Variants in PWWP2A observed in about 807,000 individuals in gnomAD.
PWWP2A encodes the protein PWWP domain containing 2A, also known as PWWP domain-containing protein 2A.
In PWWP2A, 18 loss-of-function variants were observed where a neutral mutation model predicts 48.5. The ratio of observed to expected loss-of-function variants is 0.37; its 90% CI spans 0.26 to 0.55. PWWP2A has a LOEUF of 0.55. PWWP2A is among the 20% of genes least tolerant of loss of function. The pLI, the probability that PWWP2A is intolerant of heterozygous loss-of-function variation, is 0.81. For missense variants in PWWP2A, 867 were observed against 976.4 expected, an observed-to-expected ratio of 0.89 and a Z score of 1.49; for synonymous variants, 396 against 387.7, an observed-to-expected ratio of 1.02 and a Z score of -0.25.
chr5:160,119,050 A>T lies in PWWP2A; in HGVS notation c.339T>A (p.Leu113=). 4.4e-6 allele frequency: 7 copies of T among 1,593,636 alleles called. No homozygotes were observed. Among genetic ancestry groups the T allele is most frequent in the Non-Finnish European group, 5.9e-6 (7 of 1,176,522 alleles). The part of the protein sequence containing the change: ...AAAAPQGGPE[L]PPSPASPPEQ... ...CCGGCGGCGATGCAGGAGAAGGTGG[A>T]AGTTCCGGCCCTCCCTGAGGCGCGG... The change falls in exon 1 of 2, where the codon CTT becomes CTA. Residue 113 remains leucine (L), a synonymous_variant. Coordinates refer to ENST00000307063, the MANE Select transcript of PWWP2A (RefSeq NM_001130864.2).
the PWWP2A span, among the ~76,000 whole-genome samples, chr5:160,055,897 C>CA: frequency 6.6e-6 from 1 of 152,232 alleles, no homozygotes; most frequent in African/African-American, 2.4e-5. Context: ...TGTGGTCTTC[C>CA]AATTCACTAG....
chr5:160,051,200 C>T, the PWWP2A span: 14 of 1,597,670 alleles, frequency 8.8e-6, no homozygotes. Flanking sequence ...TTACTTCTTA[C>T]TTTGCTTGAT....
intron 1 of PWWP2A, among the ~76,000 whole-genome samples, chr5:160,112,409 A>C (rs923080862): frequency 6.6e-6 from 1 of 151,876 alleles, no homozygotes; most frequent in Non-Finnish European, 1.5e-5. Flanking sequence ...TTTAGTAGAG[A>C]CAGGGTTTTG....
chr5:160,051,264 C>A, the PWWP2A span: 1 of 1,171,610 alleles, frequency 8.5e-7, no homozygotes, highest in Non-Finnish European at 1.2e-6. Context: ...GAGGAGAACA[C>A]ATGAGTTAGA....
chr5:160,095,073 A>AAAAAAAAAAAAC (rs1755488191), intron 1 of PWWP2A, among the ~76,000 whole-genome samples: 1 of 149,148 alleles, frequency 6.7e-6, no homozygotes, highest in Non-Finnish European at 1.5e-5. Flanking sequence ...AAAAAAAAAA[A>AAAAAAAAAAAAC]AAAAGACTAC....
At chr5:160,058,491 A>G (rs948376496), downstream of PWWP2A, among the ~76,000 whole-genome samples, 1 of 150,662 alleles carries the variant, frequency 6.6e-6, no homozygotes, top group African/African-American at 2.4e-5. Context: ...GCTCAGTGCA[A>G]GCTCCGCCTC....
the PWWP2A span, among the ~76,000 whole-genome samples, chr5:160,045,510 ACACATACACACT>A: frequency 7.2e-4 from 42 of 58,568 alleles, 1 homozygote; most frequent in Non-Finnish European, 8.7e-4. Context: ...ACACACACAC[ACACATACACACT>A]CTCTCTCTCT....
chr5:160,106,462 A>G (rs1756903615), intron 1 of PWWP2A, among the ~76,000 whole-genome samples: 1 of 152,174 alleles, frequency 6.6e-6, no homozygotes, highest in African/African-American at 2.4e-5. Context: ...TAAAACACAG[A>G]AAGTAAAACT....
At position 160,092,218 on chromosome 5, in the gene PWWP2A, A is replaced by C. The variant is rs183516185; in HGVS notation, c.*164T>G. ...AAAATTTGATTATATGTTCAGTTTAAGCTCTCAGTCTAAAAATGGCTATAA... is the reference window on the plus strand; with the variant it reads ...AAAATTTGATTATATGTTCAGTTTACGCTCTCAGTCTAAAAATGGCTATAA... On this transcript the variant is annotated 3_prime_UTR_variant, in exon 2 of 2. Coordinates refer to ENST00000307063, the MANE Select transcript of PWWP2A (RefSeq NM_001130864.2). 7.3e-7 allele frequency: 1 copy of C among 1,367,956 alleles called. No individual in the cohort carries two copies. The highest frequency in any genetic ancestry group is 3.2e-5 in the Admixed American group (1 of 31,574). The allele number at this position is 1,367,956 out of a possible 1,614,324, so 84.7% of individuals were successfully genotyped here. A position where few individuals can be genotyped will look rare whatever the true frequency, so the allele number is the denominator to read the frequency against.
chr5:160,114,353 G>A (rs1350716375), intron 1 of PWWP2A, among the ~76,000 whole-genome samples: 2 of 151,772 alleles, frequency 1.3e-5, no homozygotes, highest in African/African-American at 2.4e-5. Context: ...CCAACATGGC[G>A]AAACTCCGTC....
At chr5:160,110,413 G>C (rs1045540753) in intron 1 of PWWP2A, among the ~76,000 whole-genome samples, 1 of 152,110 alleles carries the variant, frequency 6.6e-6, no homozygotes, top group Non-Finnish European at 1.5e-5. Context: ...TATCTTTTTA[G>C]ATATCTGCAC....
intron 1 of PWWP2A, among the ~76,000 whole-genome samples, chr5:160,094,644 A>C (rs1755423763): frequency 6.6e-6 from 1 of 152,186 alleles, no homozygotes; most frequent in Non-Finnish European, 1.5e-5. Context: ...CAAAAATATC[A>C]AGAACTCAGA....
chr5:160,112,241 G>A (rs1441447928), intron 1 of PWWP2A, among the ~76,000 whole-genome samples: 1 of 151,670 alleles, frequency 6.6e-6, no homozygotes, highest in Non-Finnish European at 1.5e-5. Flanking sequence ...GTTCTTTTTA[G>A]AAAGAGCCTC....
the PWWP2A span, among the ~76,000 whole-genome samples, chr5:160,050,304 G>T: frequency 1.3e-5 from 2 of 151,934 alleles, no homozygotes; most frequent in Non-Finnish European, 2.9e-5. Flanking sequence ...AAAATTAGCT[G>T]GGTGTGGTGG....
intron 1 of PWWP2A, among the ~76,000 whole-genome samples, chr5:160,109,186 G>T (rs1335079923): frequency 6.6e-6 from 1 of 152,078 alleles, no homozygotes; most frequent in Non-Finnish European, 1.5e-5. Context: ...GTTTCGCCAT[G>T]TTGGCCAGGC....
chr5:160,089,795 G>A (rs1394045369), downstream of PWWP2A: 3 of 985,170 alleles, frequency 3.0e-6, no homozygotes, highest in African/African-American at 3.5e-5. Context: ...CCCACTCCAA[G>A]GGGAAAAAAT....
At chr5:160,045,548 TCTCTCC>T in the PWWP2A span, among the ~76,000 whole-genome samples, 5 of 125,738 alleles carry the variant, frequency 4.0e-5, no homozygotes, top group East Asian at 4.8e-4. Context: ...TCTCTCTCTC[TCTCTCC>T]CCCTCCCCTC....
intron 1 of PWWP2A, among the ~76,000 whole-genome samples, chr5:160,097,746 C>G (rs901969532): frequency 1.7e-4 from 23 of 136,986 alleles, no homozygotes; most frequent in African/African-American, 5.6e-4. Flanking sequence ...GAGACAGACT[C>G]TCACTGTCGC....
In PWWP2A at chr5:160,119,350, C is replaced by A. The variant is rs1237259561; in HGVS notation, c.39G>T (p.Ala13=). The A allele has an allele frequency of 1.4e-6, 2 of 1,386,046 alleles. No homozygotes were observed. The highest frequency in any genetic ancestry group is 1.5e-5 in the African/African-American group (1 of 65,474). The allele number at this position is 1,386,046 out of a possible 1,614,324, so 85.9% of individuals were successfully genotyped here. The part of the protein sequence containing the change: ...AVAAEAAATA[A]SPGEGGAGEA... ...CGCCGGCGCCCCCCTCCCCGGGGGACGCTGCAGTCGCTGCCGCCTCTGCAG... is the reference window on the plus strand; with the variant it reads ...CGCCGGCGCCCCCCTCCCCGGGGGAAGCTGCAGTCGCTGCCGCCTCTGCAG... Residue 13 remains alanine, a synonymous_variant, in exon 1 of 2, where the codon GCG becomes GCT. Transcript: ENST00000307063.
Sources: gnomAD v4.1 joint callset for allele counts (sites outside exome capture counted in the v4.1 genomes callset) on GRCh38, gnomAD v4.1.1 for gene constraint, MANE v1.5 for transcripts, NCBI Gene and HGNC (gene_info 2026-07-23, HGNC 2026-07-21) for gene names.